Variants in TRPS1 observed in about 807,000 individuals in gnomAD.
TRPS1 encodes transcriptional repressor GATA binding 1.
A neutral mutation model predicts 101.2 loss-of-function variants in TRPS1; 6 were observed. The observed-to-expected ratio is 0.06, with a 90% CI of 0.03 to 0.12. The LOEUF is 0.12. Among genes scored for constraint, TRPS1 ranks in the 10% least tolerant of loss-of-function variants. The probability of loss-of-function intolerance (pLI) is 1.00; values close to 1 mark genes in which losing one functional copy is unlikely to be tolerated. For synonymous variants in TRPS1, 578 were observed against 589.8 expected (o/e 0.98, Z 0.29); for missense variants, 1,363 against 1,567.0 (o/e 0.87, Z 2.20).
At chr8:115,460,272 G>A (rs970897706) in intron 5 of TRPS1, among the ~76,000 whole-genome samples, 2 of 151,810 alleles carry the variant, frequency 1.3e-5, no homozygotes, top group Non-Finnish European at 2.9e-5. Flanking sequence ...TTCTTTTTCT[G>A]AAATGTTAGT....
At chr8:115,616,362 C>T (rs928907292) in intron 3 of TRPS1, among the ~76,000 whole-genome samples, 15 of 152,072 alleles carry the variant, frequency 9.9e-5, no homozygotes, top group African/African-American at 3.4e-4. Context: ...GCACTTAAAC[C>T]GGGAAATCTT....
At chr8:115,585,666 G>C (rs1817546270) in intron 5 of TRPS1, among the ~76,000 whole-genome samples, 2 of 152,120 alleles carry the variant, frequency 1.3e-5, no homozygotes, top group African/African-American at 4.8e-5. Flanking sequence ...ATTCACTGGA[G>C]GGGAGTTCCC....
chr8:115,416,329 A>C (rs1461179574), intron 6 of TRPS1, among the ~76,000 whole-genome samples: 1 of 151,818 alleles, frequency 6.6e-6, no homozygotes, highest in African/African-American at 2.4e-5. Context: ...AATCAAAGGA[A>C]TCAGTTTGAT....
intron 2 of TRPS1, among the ~76,000 whole-genome samples, 166 bp from the exon 3 acceptor site, chr8:115,620,226 T>C (rs903610140): frequency 1.3e-5 from 2 of 151,886 alleles, no homozygotes; most frequent in Non-Finnish European, 2.9e-5. Context: ...AAGTTGAGAC[T>C]AAAACAAACA....
chr8:115,477,707 T>G (rs1236248585), intron 5 of TRPS1, among the ~76,000 whole-genome samples: 1 of 152,250 alleles, frequency 6.6e-6, no homozygotes, highest in Non-Finnish European at 1.5e-5. Flanking sequence ...AAGGCTCTTG[T>G]GTTCATCTCT....
intron 5 of TRPS1, among the ~76,000 whole-genome samples, chr8:115,443,605 A>G (rs888178404): frequency 1.3e-5 from 2 of 152,194 alleles, no homozygotes; most frequent in Non-Finnish European, 2.9e-5. Context: ...TGCCTATGAC[A>G]CTAACTAGCC....
At chr8:115,500,700 G>C (rs546592080) in intron 5 of TRPS1, among the ~76,000 whole-genome samples, 54 of 152,186 alleles carry the variant, frequency 3.5e-4, no homozygotes, top group African/African-American at 1.2e-3. Context: ...CTCCCGAGTA[G>C]CTGGGACTAC....
intron 5 of TRPS1, among the ~76,000 whole-genome samples, chr8:115,427,778 A>G (rs1444994626): frequency 7.1e-6 from 1 of 139,900 alleles, no homozygotes; most frequent in Non-Finnish European, 1.5e-5. Flanking sequence ...TATGGCAACG[A>G]GCTGTTTTGA....
chr8:115,576,325 C>CT (rs1817319452), intron 5 of TRPS1, among the ~76,000 whole-genome samples: 4 of 126,366 alleles, frequency 3.2e-5, no homozygotes, highest in Non-Finnish European at 5.2e-5. Flanking sequence ...AGATCTAGAT[C>CT]TTTGGACATC....
intron 5 of TRPS1, among the ~76,000 whole-genome samples, chr8:115,558,177 C>T (rs1816868563): frequency 6.6e-6 from 1 of 151,734 alleles, no homozygotes; most frequent in African/African-American, 2.4e-5. Flanking sequence ...ATTCTGTAAA[C>T]TCTAGTCTAA....
chr8:115,603,469 A>G (rs1817954913), intron 4 of TRPS1, among the ~76,000 whole-genome samples: 1 of 152,220 alleles, frequency 6.6e-6, no homozygotes, highest in Non-Finnish European at 1.5e-5. Context: ...AGAATAGAGA[A>G]TAGGATATAT....
At chr8:115,513,466 T>C (rs1299938824) in intron 5 of TRPS1, among the ~76,000 whole-genome samples, 1 of 151,702 alleles carries the variant, frequency 6.6e-6, no homozygotes, top group Non-Finnish European at 1.5e-5. Flanking sequence ...AAGAAGTGCC[T>C]TTTTGTGTGA....
chr8:115,539,918 GA>G (rs1816411822), intron 5 of TRPS1, among the ~76,000 whole-genome samples: 1 of 152,126 alleles, frequency 6.6e-6, no homozygotes, highest in Non-Finnish European at 1.5e-5. Flanking sequence ...ATCCATCATC[GA>G]GAATCTGAAA....
intron 5 of TRPS1, among the ~76,000 whole-genome samples, chr8:115,503,471 A>G (rs1815369311): frequency 6.6e-6 from 1 of 152,172 alleles, no homozygotes; most frequent in African/African-American, 2.4e-5. Flanking sequence ...TACCAGAATT[A>G]TTAAAAATAC....
At chr8:115,515,528 C>T (rs1488801030) in intron 5 of TRPS1, among the ~76,000 whole-genome samples, 1 of 151,308 alleles carries the variant, frequency 6.6e-6, no homozygotes, top group African/African-American at 2.4e-5. Flanking sequence ...AGTAAATCCA[C>T]TAATAAACTT....
In TRPS1 at chr8:115,418,348, G is replaced by C. The variant is rs2129768488; in HGVS notation, c.2805C>G (p.Leu935=). 2 of 1,614,110 alleles carry C rather than the reference G, an allele frequency of 1.2e-6. No individual in the cohort carries two copies. Among genetic ancestry groups the C allele is most frequent in the East Asian group, 4.5e-5 (2 of 44,874 alleles). ...TTCTTACCGAGTGAAGCTTCTGGTA[G>C]AGGCCACACGCGTTGCATACATATC... ...NGGYVCNACG[L]YQKLHSTPRP... The change falls in exon 6 of 7, where the codon CTC becomes CTG. Residue 935 remains leucine (L), a synonymous_variant. Transcript: ENST00000395715. The surrounding 1 kb of genome is among the most constrained non-coding windows in gnomAD (Gnocchi z 4.3).
At chr8:115,587,928 G>C (rs1011495752) in intron 4 of TRPS1, among the ~76,000 whole-genome samples, 1 of 152,194 alleles carries the variant, frequency 6.6e-6, no homozygotes, top group East Asian at 1.9e-4. Flanking sequence ...ATTAAAACTG[G>C]TTAGTTTGAA....
intron 5 of TRPS1, among the ~76,000 whole-genome samples, chr8:115,485,417 G>C (rs1814854297): frequency 6.6e-6 from 1 of 152,198 alleles, no homozygotes. Flanking sequence ...ATCCAGTCAT[G>C]CTGTGCCCAG....
Position 115,604,730 on chromosome 8 carries a change from C to T in TRPS1, c.1239G>A (p.Lys413=), listed in dbSNP as rs568714002. Residue 413 remains lysine, a synonymous_variant, in exon 4 of 7, where the codon AAG becomes AAA. Coordinates refer to ENST00000395715, the MANE Select transcript of TRPS1 (RefSeq NM_014112.5). The surrounding 1 kb of genome is among the most constrained non-coding windows in gnomAD (Gnocchi z 4.1). ...DSGDLGKWQD[K]ITVKAGDDTP... ...TGTCATCTCCTGCTTTGACTGTTAT[C>T]TTGTCCTGCCATTTTCCCAAGTCTC... 26 of 1,613,826 alleles carry T rather than the reference C, an allele frequency of 1.6e-5. 1 individual carries two copies. In the African/African-American group the frequency reaches 2.0e-4, roughly 12 times the overall value.
Sources: gnomAD v4.1 joint callset for allele counts (sites outside exome capture counted in the v4.1 genomes callset) on GRCh38, gnomAD v4.1.1 for gene constraint, Gnocchi (gnomAD v3.1) non-coding constraint, MANE v1.5 for transcripts, NCBI Gene and HGNC (gene_info 2026-07-23, HGNC 2026-07-21) for gene names.